KCNQ5: variants seen among roughly 807,000 people sequenced by gnomAD.
KCNQ5 encodes the protein potassium voltage-gated channel subfamily KQT member 5.
Under a neutral mutation model 98.2 loss-of-function variants are expected in KCNQ5, and 30 were observed. That is an observed-to-expected ratio of 0.31 (90% CI 0.23 to 0.41). The LOEUF (loss-of-function observed/expected upper bound fraction) is 0.41, where lower values mean the gene tolerates loss of function less well. Among genes scored for constraint, KCNQ5 ranks in the 10% least tolerant of loss-of-function variants. The pLI is 1.00. For missense variants in KCNQ5, 835 were observed against 1,182.5 expected (o/e 0.71, Z 4.31); for synonymous variants, 458 against 449.4 (o/e 1.02, Z -0.24).
At chr6:73,042,249 AT>A in intron 3 of KCNQ5, 187 bp downstream of exon 3, 2 of 634,210 alleles carry the variant, frequency 3.2e-6, no homozygotes, top group Non-Finnish European at 2.8e-6. Flanking sequence ...TGAGGTAGAT[AT>A]TTTTATTATC....
At chr6:72,794,612 A>G (rs1428522393) in intron 1 of KCNQ5, among the ~76,000 whole-genome samples, 2 of 152,196 alleles carry the variant, frequency 1.3e-5, no homozygotes, top group Admixed American at 6.5e-5. Context: ...GTGCAAATGT[A>G]AACATTATAA....
At chr6:72,634,117 G>A (rs1048469383) in intron 1 of KCNQ5, among the ~76,000 whole-genome samples, 1 of 152,198 alleles carries the variant, frequency 6.6e-6, no homozygotes, top group Admixed American at 6.5e-5. Context: ...CCTCATATCA[G>A]ATGGGTAGAG....
In KCNQ5 at chr6:73,063,717, TAGATGATA is replaced by T. The variant is rs1382168962; in HGVS notation, c.617-13604_617-13597del. Among the ~76,000 whole-genome samples the T allele has an allele frequency of 1.8e-3, 201 of 110,540 alleles. 3 individuals are homozygous for T. The highest frequency in any genetic ancestry group is 6.5e-3 in the African/African-American group (183 of 28,178). The allele number at this position is 110,540 out of a possible 152,430, so 72.5% of individuals were successfully genotyped here. A position where few individuals can be genotyped will look rare whatever the true frequency, so the allele number is the denominator to read the frequency against. On this transcript the variant is annotated intron_variant, in intron 3 of 13. Transcript: ENST00000370398. ...ATAGATAGATAGATAGATAGATAGA[TAGATGATA>T]GATAGATAGATAGATAGATAGATAG...
chr6:72,973,396 A>G (rs952481571), intron 1 of KCNQ5, among the ~76,000 whole-genome samples: 1 of 152,158 alleles, frequency 6.6e-6, no homozygotes, highest in African/African-American at 2.4e-5. Context: ...TTTTTTTGTC[A>G]AGCATTTTGC....
intron 1 of KCNQ5, among the ~76,000 whole-genome samples, chr6:72,636,200 A>G (rs2154471796): frequency 6.6e-6 from 1 of 152,336 alleles, no homozygotes; most frequent in South Asian, 2.1e-4. Flanking sequence ...AAAATGCACA[A>G]TAAAGAAGTC....
At chr6:73,158,864 C>T (rs1252992990) in intron 10 of KCNQ5, among the ~76,000 whole-genome samples, 2 of 152,090 alleles carry the variant, frequency 1.3e-5, no homozygotes, top group Non-Finnish European at 2.9e-5. Flanking sequence ...TTCATAATTG[C>T]CTTTTTCAGA....
intron 1 of KCNQ5, among the ~76,000 whole-genome samples, chr6:72,823,284 A>T (rs1775837584): frequency 6.6e-6 from 1 of 152,170 alleles, no homozygotes; most frequent in African/African-American, 2.4e-5. Context: ...TTCATGAAAG[A>T]ATATTTACCA....
rs1773971890 is a variant in KCNQ5 at position 73,085,916 on chromosome 6, GTTC to G, written c.918+8036_918+8038del. Reference sequence around the variant, plus strand: ...TTTTTGCTGTGACCAAACCATGAAAGTTCTTCTTCAGTCTATTATTATTAATAA... The same window carrying G: ...TTTTTGCTGTGACCAAACCATGAAAGTTCTTCAGTCTATTATTATTAATAA... On this transcript the variant is annotated intron_variant, in intron 5 of 13. Coordinates refer to ENST00000370398, the MANE Select transcript of KCNQ5 (RefSeq NM_019842.4). 6.6e-5 allele frequency among the ~76,000 whole-genome samples: 10 copies of G among 152,240 alleles called. No homozygotes were observed. In the South Asian group the frequency reaches 1.9e-3, roughly 28 times the overall value.
chr6:72,696,462 T>C (rs1768508130), intron 1 of KCNQ5, among the ~76,000 whole-genome samples: 1 of 152,236 alleles, frequency 6.6e-6, no homozygotes. Context: ...TAAATGAGTG[T>C]ATTAGGCTTG....
intron 1 of KCNQ5, among the ~76,000 whole-genome samples, chr6:72,805,984 A>C (rs1055944667): frequency 9.9e-5 from 15 of 152,146 alleles, no homozygotes; most frequent in African/African-American, 3.6e-4. Flanking sequence ...GGCATATAAA[A>C]GTGCTTCATA....
intron 1 of KCNQ5, among the ~76,000 whole-genome samples, chr6:72,916,394 A>C (rs1780137023): frequency 6.6e-6 from 1 of 152,184 alleles, no homozygotes. Context: ...ACTTTTCAGG[A>C]GAATAAACCA....
chr6:72,943,804 G>A (rs1766417691), intron 1 of KCNQ5, among the ~76,000 whole-genome samples: 1 of 152,202 alleles, frequency 6.6e-6, no homozygotes, highest in South Asian at 2.1e-4. Flanking sequence ...CAAAATGACT[G>A]CTAAGATTTA....
chr6:73,037,112 A>G (rs1771467992), intron 2 of KCNQ5, among the ~76,000 whole-genome samples: 1 of 152,184 alleles, frequency 6.6e-6, no homozygotes, highest in South Asian at 2.1e-4. Context: ...AATGATGTCA[A>G]ATAACTTTTC....
At chr6:73,106,970 TAAA>T (rs143381325) in intron 6 of KCNQ5, among the ~76,000 whole-genome samples, 66 of 151,272 alleles carry the variant, frequency 4.4e-4, no homozygotes, top group South Asian at 3.3e-3. Flanking sequence ...CCAGGAGAAT[TAAA>T]AAAAAAAAAA....
At chr6:72,976,399 T>C (rs1484868791) in intron 1 of KCNQ5, among the ~76,000 whole-genome samples, 1 of 152,232 alleles carries the variant, frequency 6.6e-6, no homozygotes, top group Non-Finnish European at 1.5e-5. Context: ...ATGGAAAATT[T>C]AAACCACATA....
chr6:73,124,357 T>G, intron 8 of KCNQ5, 129 bp from the exon 9 acceptor site: 1 of 782,724 alleles, frequency 1.3e-6, no homozygotes, highest in East Asian at 2.6e-5. Flanking sequence ...ACACTGCTTT[T>G]GTGGATCTTG....
intron 10 of KCNQ5, among the ~76,000 whole-genome samples, chr6:73,161,507 A>T (rs1777614126): frequency 6.6e-6 from 1 of 152,254 alleles, no homozygotes. Flanking sequence ...ACAGATATTT[A>T]AGATGATGGA....
chr6:72,840,071 C>T (rs568229597), intron 1 of KCNQ5, among the ~76,000 whole-genome samples: 73 of 152,312 alleles, frequency 4.8e-4, no homozygotes, highest in Admixed American at 1.4e-3. Flanking sequence ...GACTGTTTAA[C>T]TCATCCAAAT....
chr6:72,930,643 A>C (rs1030625781), intron 1 of KCNQ5, among the ~76,000 whole-genome samples: 3 of 150,338 alleles, frequency 2.0e-5, no homozygotes, highest in African/African-American at 7.3e-5. Flanking sequence ...GATCTAATTT[A>C]TGTTAAACTT....
Sources: allele counts gnomAD v4.1 joint callset (sites outside exome capture counted in the v4.1 genomes callset), GRCh38; gene constraint gnomAD v4.1.1; transcripts MANE v1.5; gene names NCBI Gene and HGNC (gene_info 2026-07-23, HGNC 2026-07-21).